VRK2: variants seen among roughly 807,000 people sequenced by gnomAD.
VRK2 encodes the protein VRK serine/threonine kinase 2.
VRK2 carries 60 observed loss-of-function variants against 57.6 expected under a neutral mutation model. The ratio of observed to expected loss-of-function variants is 1.04; its 90% CI spans 0.85 to 1.29. VRK2 has a LOEUF of 1.29. Ranked by LOEUF, VRK2 falls within the 50% of genes most tolerant of loss-of-function variation. The pLI is 0.00. For synonymous variants in VRK2, 231 were observed against 199.2 expected, an observed-to-expected ratio of 1.16 and a Z score of -1.35; for missense variants, 705 against 588.1, an observed-to-expected ratio of 1.20 and a Z score of -2.06.
At chr2:58,001,578 T>G (rs1358713268) in intron 1 of VRK2, among the ~76,000 whole-genome samples, 2 of 152,164 alleles carry the variant, frequency 1.3e-5, no homozygotes, top group East Asian at 3.9e-4. Flanking sequence ...TCCCAGCACT[T>G]TGGGAGGACA....
intron 10 of VRK2, among the ~76,000 whole-genome samples, chr2:58,136,215 C>T (rs1014546473): frequency 6.6e-6 from 1 of 152,164 alleles, no homozygotes; most frequent in African/African-American, 2.4e-5. Flanking sequence ...AGCCTATCCC[C>T]ACATGAGTCT....
chr2:58,133,108 C>G (rs530550072), intron 9 of VRK2, among the ~76,000 whole-genome samples: 2 of 152,076 alleles, frequency 1.3e-5, no homozygotes, highest in Admixed American at 1.3e-4. Flanking sequence ...CATTTTAATT[C>G]TAATGATTAT....
At chr2:58,113,048 C>T (rs1006189701) in intron 7 of VRK2, among the ~76,000 whole-genome samples, 6 of 152,190 alleles carry the variant, frequency 3.9e-5, no homozygotes, top group East Asian at 3.9e-4. Flanking sequence ...CAGTGGCTCA[C>T]GCCTGTAATC....
chr2:58,157,628 A>C (rs1187605155), intron 12 of VRK2, among the ~76,000 whole-genome samples: 1 of 152,158 alleles, frequency 6.6e-6, no homozygotes, highest in Non-Finnish European at 1.5e-5. Context: ...GCTTCTCAGA[A>C]ATACAGAATC....
intron 3 of VRK2, chr2:58,040,960 T>C (rs970345832): frequency 7.2e-6 from 6 of 837,096 alleles, no homozygotes; most frequent in Middle Eastern, 6.1e-4. Context: ...CCTCTGAAGG[T>C]GTCAACTCTA....
chr2:58,114,934 T>C (rs528794247), intron 7 of VRK2, among the ~76,000 whole-genome samples: 23 of 152,142 alleles, frequency 1.5e-4, no homozygotes, highest in Non-Finnish European at 1.8e-4. Context: ...GTAAAGCTAA[T>C]TTGCCCGTCC....
At chr2:57,933,357 G>C (rs1471697356) in intron 1 of VRK2, among the ~76,000 whole-genome samples, 1 of 116,568 alleles carries the variant, frequency 8.6e-6, no homozygotes, top group East Asian at 2.6e-4. Flanking sequence ...TCTGTTGCCA[G>C]GCTGGAGTGC....
intron 1 of VRK2, among the ~76,000 whole-genome samples, chr2:58,022,212 C>T (rs1333144705): frequency 1.3e-5 from 2 of 152,162 alleles, no homozygotes; most frequent in African/African-American, 2.4e-5. Flanking sequence ...TCACTGCACC[C>T]AGACAATGAC....
chr2:58,102,345 G>A (rs1008942413), intron 7 of VRK2, among the ~76,000 whole-genome samples: 1 of 151,026 alleles, frequency 6.6e-6, no homozygotes, highest in Non-Finnish European at 1.5e-5. Context: ...CTATATACTA[G>A]TTACAAGAAA....
At position 58,084,011 on chromosome 2, in the gene VRK2, A is replaced by T. The variant is rs1045605387; in HGVS notation, c.137-78A>T. On this transcript the variant is annotated intron_variant, in intron 2 of 12. Transcript: ENST00000340157. ...AACTTACATATGTAAAATGCTTAGC[A>T]TAGTGTTTGGGATATGGTAGGTATT... 8 of 1,490,244 alleles carry T rather than the reference A, an allele frequency of 5.4e-6. No individual in the cohort carries two copies. In the Admixed American group the frequency reaches 1.5e-4, roughly 28 times the overall value. 92.3% of individuals were successfully genotyped at this position (1,490,244 alleles called of 1,614,324 possible). A position where few individuals can be genotyped will look rare whatever the true frequency, so the allele number is the denominator to read the frequency against.
At chr2:58,066,081 A>C (rs1027373588) in intron 2 of VRK2, among the ~76,000 whole-genome samples, 3 of 152,108 alleles carry the variant, frequency 2.0e-5, no homozygotes, top group Non-Finnish European at 4.4e-5. Context: ...TCCTTTCCAA[A>C]TGTGTGCTTT....
At chr2:57,991,381 A>AG (rs964638575) in intron 1 of VRK2, among the ~76,000 whole-genome samples, 1 of 150,352 alleles carries the variant, frequency 6.7e-6, no homozygotes, top group Non-Finnish European at 1.5e-5. Context: ...AAAAAAAAAA[A>AG]GCGAAAAAGT....
chr2:58,040,777 G>T (rs934804122), intron 3 of VRK2, among the ~76,000 whole-genome samples: 2 of 152,194 alleles, frequency 1.3e-5, no homozygotes, highest in Non-Finnish European at 2.9e-5. Flanking sequence ...AAGGTTCACA[G>T]TAGGAGAGAC....
At chr2:58,044,233 C>T (rs1255790705), upstream of VRK2, among the ~76,000 whole-genome samples, 2 of 152,148 alleles carry the variant, frequency 1.3e-5, no homozygotes, top group Admixed American at 1.3e-4. Context: ...TCTTTGTGGT[C>T]ACACGATGAC....
chr2:58,134,678 A>T (rs1679744898), intron 9 of VRK2, among the ~76,000 whole-genome samples: 1 of 151,302 alleles, frequency 6.6e-6, no homozygotes, highest in African/African-American at 2.4e-5. Context: ...GCCCCAGTTC[A>T]GTACCATTAG....
At chr2:58,144,921 C>A (rs139538570) in intron 11 of VRK2, among the ~76,000 whole-genome samples, 3 of 152,096 alleles carry the variant, frequency 2.0e-5, no homozygotes, top group East Asian at 3.9e-4. Flanking sequence ...GGAGTGAACA[C>A]ACTTGGCGAT....
Position 58,050,908 on chromosome 2 carries a change from A to C in VRK2, c.136+1941A>C, listed in dbSNP as rs1675624408. Among the ~76,000 whole-genome samples, 3 of 151,706 alleles carry C rather than the reference A, an allele frequency of 2.0e-5. No individual in the cohort carries two copies. In the South Asian group the frequency reaches 6.3e-4, roughly 32 times the overall value. ...CACCCAGGCTGGAGTGCAGTGGCTC[A>C]ATCTCGGCCCACTGCAACCTCCACC... On this transcript the variant is annotated intron_variant, in intron 2 of 12. Transcript: ENST00000340157.
rs546496443 is a variant in VRK2 at position 58,113,826 on chromosome 2, A to G, written c.544-9275A>G. ...GGCGTATACCTGCAACTCACAGGGG[A>G]TGCGACGGCTTGGCTTGGGCTCAGA... On this transcript the variant is annotated intron_variant, in intron 7 of 12. Coordinates refer to ENST00000340157, the MANE Select transcript of VRK2 (RefSeq NM_006296.7). 7.2e-5 allele frequency among the ~76,000 whole-genome samples: 11 copies of G among 152,272 alleles called. No individual in the cohort carries two copies. The South Asian group carries it at 2.3e-3, about 32-fold the overall frequency.
rs557457252 is a variant in VRK2, at chr2:57,998,232, G to A, written c.-438-27433G>A. Among the ~76,000 whole-genome samples, 6 of 152,184 alleles carry A rather than the reference G, an allele frequency of 3.9e-5. 1 individual carries two copies. The highest frequency in any genetic ancestry group is 9.6e-5 in the African/African-American group (4 of 41,506). On this transcript the variant is annotated intron_variant, in intron 1 of 15. Coordinates refer to the VRK2 transcript ENST00000417641. ...GCAAGTATTACTATGATAAGTAATC[G>A]TAAATTATGAGTATCATGTTTCCAC... is the stretch of plus-strand genomic sequence containing the variant.
Sources: gnomAD v4.1 joint callset for allele counts (sites outside exome capture counted in the v4.1 genomes callset) on GRCh38, gnomAD v4.1.1 for gene constraint, MANE v1.5 for transcripts, NCBI Gene and HGNC (gene_info 2026-07-23, HGNC 2026-07-21) for gene names.